The following JAZF1 variants were observed in gnomAD, a reference collection of about 807,000 sequenced individuals.
The protein encoded by JAZF1 is juxtaposed with another zinc finger protein 1.
A neutral mutation model predicts 26.4 loss-of-function variants in JAZF1; 8 were observed. That is an observed-to-expected ratio of 0.30 (90% confidence interval 0.18 to 0.55). JAZF1 has a LOEUF of 0.55. Among genes scored for constraint, JAZF1 ranks in the 20% least tolerant of loss-of-function variants. The probability of loss-of-function intolerance (pLI) is 0.94; values close to 1 mark genes in which losing one functional copy is unlikely to be tolerated. For missense variants in JAZF1, 199 were observed against 322.0 expected, an observed-to-expected ratio of 0.62 and a Z score of 2.92; for synonymous variants, 126 against 122.3, an observed-to-expected ratio of 1.03 and a Z score of -0.20.
At chr7:28,065,745 C>T (rs1434578237) in intron 1 of JAZF1, among the ~76,000 whole-genome samples, 1 of 152,052 alleles carries the variant, frequency 6.6e-6, no homozygotes, top group Admixed American at 6.5e-5. Context: ...TAGGAAATTG[C>T]CAGTTATATG....
At chr7:27,910,905 G>T (rs1784350673) in intron 2 of JAZF1, among the ~76,000 whole-genome samples, 1 of 152,156 alleles carries the variant, frequency 6.6e-6, no homozygotes, top group Admixed American at 6.5e-5. Context: ...TTCAGATGGG[G>T]TTACCTCTCA....
chr7:28,069,936 G>A (rs1265629246), intron 1 of JAZF1, among the ~76,000 whole-genome samples: 3 of 152,136 alleles, frequency 2.0e-5, no homozygotes, highest in Non-Finnish European at 4.4e-5. Context: ...GAGGCCCACA[G>A]ACTGGGATGA....
intron 2 of JAZF1, among the ~76,000 whole-genome samples, chr7:27,982,042 G>T (rs1332866015): frequency 6.6e-6 from 1 of 152,214 alleles, no homozygotes; most frequent in East Asian, 1.9e-4. Flanking sequence ...GCAGCTCCCA[G>T]TGTGAGCGAT....
intron 1 of JAZF1, among the ~76,000 whole-genome samples, chr7:28,007,679 T>C (rs1782727777): frequency 6.6e-6 from 1 of 152,176 alleles, no homozygotes; most frequent in Non-Finnish European, 1.5e-5. Context: ...CAGGAATCAA[T>C]ACAAATTGAC....
intron 1 of JAZF1, among the ~76,000 whole-genome samples, chr7:28,160,915 T>C (rs564597404): frequency 7.4e-4 from 113 of 152,330 alleles, no homozygotes; most frequent in Admixed American, 2.4e-3. Flanking sequence ...GTTCTTGAGC[T>C]ATTAGGTATA....
Position 28,073,251 on chromosome 7 carries a change from T to G in JAZF1, c.116-81270A>C, listed in dbSNP as rs371487167. Among the ~76,000 whole-genome samples the G allele has an allele frequency of 9.2e-5, 14 of 152,340 alleles. No homozygotes were observed. In the East Asian group the frequency reaches 2.7e-3, roughly 29 times the overall value. The stretch of plus-strand genomic sequence containing the variant: ...TAGCAGAGCTCGTTGTGCCGGAGCG[T>G]GGCTGGAGACCTGGTCTCTGGGCTT... On this transcript the variant is annotated intron_variant, in intron 1 of 4. Coordinates refer to ENST00000283928, the MANE Select transcript of JAZF1 (RefSeq NM_175061.4).
rs180981453 is a variant in JAZF1 at position 27,855,464 on chromosome 7, C to T, written c.386-14597G>A. ...TTTTTGAAAAAATTAAAAAATAGAT[C>T]GCTAGCCAAACTAATAAGAAAAGAG... On this transcript the variant is annotated intron_variant, in intron 3 of 4. Transcript: ENST00000283928. Among the ~76,000 whole-genome samples, 86 of 151,834 alleles carry T rather than the reference C, an allele frequency of 5.7e-4. No individual in the cohort carries two copies. The East Asian group carries it at 0.015, about 26-fold the overall frequency.
rs530457833 is a variant in JAZF1, at chr7:28,044,409, T to C, written c.116-52428A>G. 3.3e-5 allele frequency among the ~76,000 whole-genome samples: 5 copies of C among 152,270 alleles called. No homozygotes were observed. The South Asian group carries it at 1.0e-3, about 32-fold the overall frequency. On this transcript the variant is annotated intron_variant, in intron 1 of 4. Transcript: ENST00000283928. ...TTTCTCTGCTCTAGCATCTGACAGATAATTTGCTGGGATGCTGCAGTTCCT... is the reference window on the plus strand; with the variant it reads ...TTTCTCTGCTCTAGCATCTGACAGACAATTTGCTGGGATGCTGCAGTTCCT...
intron 1 of JAZF1, among the ~76,000 whole-genome samples, chr7:28,085,291 T>C (rs1312870240): frequency 6.6e-6 from 1 of 152,198 alleles, no homozygotes; most frequent in Non-Finnish European, 1.5e-5. Context: ...TTTTTAAATA[T>C]CTTCTGATAT....
intron 3 of JAZF1, among the ~76,000 whole-genome samples, chr7:27,861,584 C>T (rs1431395725): frequency 1.7e-5 from 2 of 115,670 alleles, no homozygotes; most frequent in Non-Finnish European, 3.5e-5. Flanking sequence ...TTTCTTCTCT[C>T]TGTAAGGAGA....
intron 2 of JAZF1, among the ~76,000 whole-genome samples, chr7:27,936,834 C>T (rs991348855): frequency 2.0e-5 from 3 of 152,196 alleles, no homozygotes; most frequent in African/African-American, 7.2e-5. Context: ...TTTATTATCC[C>T]CTCCAGAATG....
intron 2 of JAZF1, among the ~76,000 whole-genome samples, chr7:27,984,159 T>C (rs758004059): frequency 4.6e-5 from 7 of 152,138 alleles, no homozygotes; most frequent in African/African-American, 1.4e-4. Context: ...GACTGGTAAA[T>C]TGGATTAAAA....
chr7:28,157,931 T>G (rs1438386188), intron 1 of JAZF1, among the ~76,000 whole-genome samples: 1 of 152,000 alleles, frequency 6.6e-6, no homozygotes, highest in Non-Finnish European at 1.5e-5. Flanking sequence ...CATGGTCTCC[T>G]CCTAAGTTTC....
chr7:27,853,286 T>C (rs900435952), intron 3 of JAZF1, among the ~76,000 whole-genome samples: 3 of 152,226 alleles, frequency 2.0e-5, no homozygotes, highest in African/African-American at 7.2e-5. Flanking sequence ...TGTTGGAACA[T>C]TGATGAGAAA....
chr7:28,073,633 C>T (rs563205686), intron 1 of JAZF1, among the ~76,000 whole-genome samples: 2 of 152,190 alleles, frequency 1.3e-5, no homozygotes, highest in Admixed American at 6.5e-5. Context: ...GGAGCCCTCA[C>T]GTCTCATCAC....
At chr7:28,170,326 G>C (rs1226145933) in intron 1 of JAZF1, among the ~76,000 whole-genome samples, 1 of 147,924 alleles carries the variant, frequency 6.8e-6, no homozygotes, top group Admixed American at 6.8e-5. Flanking sequence ...TGAAGTAAAA[G>C]AGAAGTTGAT....
chr7:28,027,380 G>C (rs745432154), intron 1 of JAZF1, among the ~76,000 whole-genome samples: 2 of 152,136 alleles, frequency 1.3e-5, no homozygotes, highest in Non-Finnish European at 2.9e-5. Flanking sequence ...TTCTTGTTTG[G>C]TTATTAAAAT....
chr7:27,839,903 G>A (rs1562759085), intron 4 of JAZF1, among the ~76,000 whole-genome samples: 1 of 152,142 alleles, frequency 6.6e-6, no homozygotes, highest in Non-Finnish European at 1.5e-5. Context: ...TACCAGGTAT[G>A]TTTCTGATTT....
rs77608699 is a variant in JAZF1, at chr7:28,082,892, T to C, written c.116-90911A>G. 4.7e-3 allele frequency among the ~76,000 whole-genome samples: 713 copies of C among 152,218 alleles called. 4 individuals carry two copies. Among genetic ancestry groups the C allele is most frequent in the African/African-American group, 0.016 (679 of 41,532 alleles). ...TCAAATGCTGACCTGGACACCTCAT[T>C]CCCAGCTCAGAACCCACCAGTGCCT... On this transcript the variant is annotated intron_variant, in intron 1 of 4. Coordinates refer to ENST00000283928, the MANE Select transcript of JAZF1 (RefSeq NM_175061.4).
Sources: allele counts gnomAD v4.1 joint callset (sites outside exome capture counted in the v4.1 genomes callset), GRCh38; gene constraint gnomAD v4.1.1; transcripts MANE v1.5; gene names NCBI Gene and HGNC (gene_info 2026-07-23, HGNC 2026-07-21).